The following TENM3 variants were observed in gnomAD, a reference collection of about 807,000 sequenced individuals.
TENM3 encodes teneurin transmembrane protein 3, also known as teneurin-3.
A neutral mutation model predicts 255.1 loss-of-function variants in TENM3; 63 were observed. That is an observed-to-expected ratio of 0.25 (90% CI 0.20 to 0.30). The LOEUF (loss-of-function observed/expected upper bound fraction) is 0.30, where lower values mean the gene tolerates loss of function less well. Among genes scored for constraint, TENM3 ranks in the 10% least tolerant of loss-of-function variants. The pLI is 1.00. For synonymous variants in TENM3, 1,306 were observed against 1,322.3 expected (o/e 0.99, Z 0.27); for missense variants, 2,929 against 3,461.1 (o/e 0.85, Z 3.86).
chr4:182,464,769 G>T (rs930555674), intron 3 of TENM3, among the ~76,000 whole-genome samples: 1 of 152,180 alleles, frequency 6.6e-6, no homozygotes. Flanking sequence ...GATAGGTTTT[G>T]TGAGAGAACC....
the TENM3 span, among the ~76,000 whole-genome samples, chr4:181,838,798 T>C: frequency 2.6e-5 from 4 of 152,058 alleles, no homozygotes; most frequent in African/African-American, 9.6e-5. Context: ...TGCTAGGAGT[T>C]TGGCAATTTC....
At chr4:181,698,313 GC>G in the TENM3 span, among the ~76,000 whole-genome samples, 1 of 151,870 alleles carries the variant, frequency 6.6e-6, no homozygotes, top group Non-Finnish European at 1.5e-5. Context: ...CCAAAAACTA[GC>G]AAAAGACTAT....
At chr4:181,496,430 G>C in the TENM3 span, among the ~76,000 whole-genome samples, 1 of 152,076 alleles carries the variant, frequency 6.6e-6, no homozygotes, top group African/African-American at 2.4e-5. Flanking sequence ...TCATAAATGG[G>C]CTTCGGAAAT....
At chr4:182,120,093 GCGCACACA>G in the TENM3 span, among the ~76,000 whole-genome samples, 1 of 4,064 alleles carries the variant, frequency 2.5e-4, no homozygotes, top group African/African-American at 4.6e-4. Flanking sequence ...GCGTGCGTGC[GCGCACACA>G]CACACACACA....
At chr4:182,245,029 G>C (rs1026320467) in intron 1 of TENM3, among the ~76,000 whole-genome samples, 2 of 152,088 alleles carry the variant, frequency 1.3e-5, no homozygotes, top group African/African-American at 4.8e-5. Context: ...TAGTGTTTTG[G>C]GAATGAAGCA....
chr4:182,672,423 ACC>A (rs1424735986), intron 6 of TENM3, among the ~76,000 whole-genome samples: 1 of 152,134 alleles, frequency 6.6e-6, no homozygotes, highest in East Asian at 1.9e-4. Context: ...ACTTAAGCTT[ACC>A]CCTCCTTCCT....
chr4:181,755,484 T>G, the TENM3 span, among the ~76,000 whole-genome samples: 2 of 152,216 alleles, frequency 1.3e-5, no homozygotes, highest in South Asian at 4.1e-4. Flanking sequence ...CTTAAAAGGA[T>G]AAGAGCCAAT....
chr4:181,974,884 AC>A, the TENM3 span, among the ~76,000 whole-genome samples: 1 of 152,098 alleles, frequency 6.6e-6, no homozygotes, highest in Non-Finnish European at 1.5e-5. Context: ...TGTACCCATC[AC>A]CCAAATATTG....
At chr4:181,459,117 G>C in the TENM3 span, among the ~76,000 whole-genome samples, 1 of 151,808 alleles carries the variant, frequency 6.6e-6, no homozygotes, top group East Asian at 1.9e-4. Flanking sequence ...AGTGGTATCT[G>C]ATTATGGTTT....
At chr4:181,790,853 A>G in the TENM3 span, among the ~76,000 whole-genome samples, 2 of 152,178 alleles carry the variant, frequency 1.3e-5, no homozygotes, top group Admixed American at 1.3e-4. Flanking sequence ...TTCTGGTGAT[A>G]TTTAGAGGCA....
intron 2 of TENM3, among the ~76,000 whole-genome samples, chr4:182,331,252 G>A (rs1239461904): frequency 1.3e-5 from 2 of 152,136 alleles, no homozygotes; most frequent in Non-Finnish European, 2.9e-5. Context: ...AAATTTAAAT[G>A]TACTGCATTT....
At chr4:182,613,513 T>A (rs1749202747) in intron 4 of TENM3, among the ~76,000 whole-genome samples, 1 of 152,192 alleles carries the variant, frequency 6.6e-6, no homozygotes, top group African/African-American at 2.4e-5. Context: ...ATTGTAGTCC[T>A]ATACTTTTTA....
the TENM3 span, among the ~76,000 whole-genome samples, chr4:181,930,572 G>A: frequency 1.3e-5 from 2 of 151,870 alleles, no homozygotes; most frequent in South Asian, 2.1e-4. Context: ...ATTCACAGCC[G>A]AATTCTACCA....
At chr4:182,610,161 G>A (rs1184254988) in intron 4 of TENM3, among the ~76,000 whole-genome samples, 2 of 152,198 alleles carry the variant, frequency 1.3e-5, no homozygotes, top group South Asian at 2.1e-4. Context: ...ACAAATAACT[G>A]TGATAATATG....
At chr4:182,176,184 G>T (rs564426163) in intron 1 of TENM3, among the ~76,000 whole-genome samples, 2 of 152,090 alleles carry the variant, frequency 1.3e-5, no homozygotes, top group Admixed American at 6.5e-5. Flanking sequence ...TATAGAAGGC[G>T]TGTAATAAAT....
the TENM3 span, among the ~76,000 whole-genome samples, chr4:182,087,968 C>T: frequency 6.6e-6 from 1 of 152,192 alleles, no homozygotes; most frequent in African/African-American, 2.4e-5. Flanking sequence ...GTGTCTTCTA[C>T]ACAGTAGGCG....
At chr4:182,532,111 T>C (rs1034419282) in intron 3 of TENM3, among the ~76,000 whole-genome samples, 2 of 152,370 alleles carry the variant, frequency 1.3e-5, no homozygotes, top group Non-Finnish European at 2.9e-5. Flanking sequence ...AAACTGTTTC[T>C]AACATATTCT....
At chr4:182,599,931 G>A (rs1228772791) in intron 3 of TENM3, among the ~76,000 whole-genome samples, 4 of 152,254 alleles carry the variant, frequency 2.6e-5, no homozygotes, top group South Asian at 2.1e-4. Flanking sequence ...TGTAGTCTTC[G>A]TAAATTCTAG....
At chr4:181,889,036 C>G in the TENM3 span, among the ~76,000 whole-genome samples, 3 of 152,066 alleles carry the variant, frequency 2.0e-5, no homozygotes, top group Non-Finnish European at 4.4e-5. Context: ...ACCAGCTACC[C>G]GGGCATCCCT....
Sources: allele counts gnomAD v4.1 joint callset (sites outside exome capture counted in the v4.1 genomes callset), GRCh38; gene constraint gnomAD v4.1.1; transcripts MANE v1.5; gene names NCBI Gene and HGNC (gene_info 2026-07-23, HGNC 2026-07-21).